The following FAM200B variants were observed in gnomAD, a reference collection of about 807,000 sequenced individuals.
FAM200B encodes the protein protein FAM200B.
In FAM200B, 32 loss-of-function variants were observed where a neutral mutation model predicts 33.1. The observed-to-expected ratio is 0.97, with a 90% CI of 0.73 to 1.30. The LOEUF (loss-of-function observed/expected upper bound fraction) is 1.30. Ranked by LOEUF, FAM200B falls within the 50% of genes most tolerant of loss-of-function variation. FAM200B has a pLI of 0.00. For synonymous variants in FAM200B, 240 were observed against 264.8 expected (o/e 0.91, Z 0.91); for missense variants, 741 against 754.0 (o/e 0.98, Z 0.20).
chr4:15,676,053 A>G, the FAM200B span, among the ~76,000 whole-genome samples: 9 of 152,342 alleles, frequency 5.9e-5, no homozygotes, highest in Non-Finnish European at 7.4e-5. Flanking sequence ...TTTGGCAAAT[A>G]CTTAACTTTC....
At position 15,687,873 on chromosome 4, in the gene FAM200B, C is replaced by T. The variant is rs1371360159; in HGVS notation, c.896C>T (p.Thr299Ile). The T allele has an allele frequency of 2.6e-6, 4 of 1,551,130 alleles. No individual in the cohort carries two copies. Among genetic ancestry groups the T allele is most frequent in the Non-Finnish European group, 3.5e-6 (4 of 1,146,634 alleles). ...KNCKGITSDG[T>I]ATMTGKHSRV... Reference sequence around the variant, plus strand: ...TGTAAAGGAATTACAAGTGATGGCACAGCAACCATGACTGGAAAACATAGC... The same window carrying T: ...TGTAAAGGAATTACAAGTGATGGCATAGCAACCATGACTGGAAAACATAGC... Residue 299 changes from threonine (T) to isoleucine (I), a missense_variant, in exon 2 of 2, where the codon ACA becomes ATA. Transcript: ENST00000422728.
At chr4:15,640,562 G>T in the FAM200B span, among the ~76,000 whole-genome samples, 1 of 151,740 alleles carries the variant, frequency 6.6e-6, no homozygotes, top group African/African-American at 2.4e-5. Context: ...TATTTCCTGA[G>T]TAAATTAATT....
At chr4:15,655,462 C>T in the FAM200B span, 2 of 901,416 alleles carry the variant, frequency 2.2e-6, no homozygotes, top group Non-Finnish European at 2.7e-6. Context: ...GCCATGCGAT[C>T]CCTGCGGCCC....
the FAM200B span, chr4:15,638,574 G>C: frequency 6.2e-7 from 1 of 1,611,668 alleles, no homozygotes; most frequent in Non-Finnish European, 8.5e-7. Context: ...TGATTCCATA[G>C]GCTAAGACCT....
At chr4:15,667,735 T>C in the FAM200B span, among the ~76,000 whole-genome samples, 3 of 152,182 alleles carry the variant, frequency 2.0e-5, no homozygotes, top group Admixed American at 2.0e-4. Flanking sequence ...TTTTTACTGA[T>C]GTCTTCTCAT....
the FAM200B span, among the ~76,000 whole-genome samples, chr4:15,673,082 G>T: frequency 1.3e-5 from 2 of 152,080 alleles, no homozygotes; most frequent in Non-Finnish European, 2.9e-5. Flanking sequence ...ATACTTTGAA[G>T]GATCTGTCTG....
chr4:15,666,671 ACAT>A, the FAM200B span, among the ~76,000 whole-genome samples: 1 of 152,108 alleles, frequency 6.6e-6, no homozygotes, highest in Non-Finnish European at 1.5e-5. Flanking sequence ...TCTCTACTAA[ACAT>A]CAAAAAAATT....
the FAM200B span, among the ~76,000 whole-genome samples, chr4:15,653,483 T>C: frequency 6.6e-6 from 1 of 152,174 alleles, no homozygotes. Context: ...CACAATCATC[T>C]GGAAATCGAT....
chr4:15,671,257 T>C, the FAM200B span, among the ~76,000 whole-genome samples: 1 of 152,030 alleles, frequency 6.6e-6, no homozygotes, highest in Non-Finnish European at 1.5e-5. Flanking sequence ...AGGGTTTTTC[T>C]CTGTTTGGTA....
At chr4:15,655,513 C>G in the FAM200B span, 1 of 357,880 alleles carries the variant, frequency 2.8e-6, no homozygotes, top group Non-Finnish European at 3.9e-6. Context: ...CTTCTGCCTC[C>G]CGCCCCCACT....
chr4:15,655,018 T>C, the FAM200B span, among the ~76,000 whole-genome samples: 1 of 151,096 alleles, frequency 6.6e-6, no homozygotes, highest in African/African-American at 2.4e-5. Context: ...AGGCCGGCTC[T>C]GCGAAGGCCT....
the FAM200B span, among the ~76,000 whole-genome samples, chr4:15,654,169 G>C: frequency 0.089 from 13,539 of 152,200 alleles, 758 homozygotes; most frequent in Non-Finnish European, 0.12. Flanking sequence ...TGTAGACAAT[G>C]GTTCTGCATA....
In FAM200B at chr4:15,683,915, C is replaced by G. The variant is rs139769503; in HGVS notation, c.-743+2014C>G. 5.6e-3 allele frequency among the ~76,000 whole-genome samples: 852 copies of G among 152,328 alleles called. 13 individuals carry two copies. Among genetic ancestry groups the G allele is most frequent in the African/African-American group, 0.02 (816 of 41,564 alleles). ...TTGAGTAACTACCATACAGCAAGCA[C>G]TATTCTAGGAACAGGTAGATAAGAT... On this transcript the variant is annotated intron_variant, in intron 1 of 1. Coordinates refer to ENST00000422728, the MANE Select transcript of FAM200B (RefSeq NM_001145191.2).
chr4:15,661,485 A>C, the FAM200B span, among the ~76,000 whole-genome samples: 17 of 152,276 alleles, frequency 1.1e-4, no homozygotes, highest in East Asian at 3.1e-3. Context: ...GGTCTCTGCC[A>C]ATTTTCAGTG....
the FAM200B span, among the ~76,000 whole-genome samples, chr4:15,647,489 A>G: frequency 3.3e-5 from 5 of 152,176 alleles, no homozygotes; most frequent in African/African-American, 9.6e-5. Flanking sequence ...GGAGGATACC[A>G]AGGGAAGACT....
At chr4:15,680,472 A>G (rs1577527533), upstream of FAM200B, among the ~76,000 whole-genome samples, 1 of 152,076 alleles carries the variant, frequency 6.6e-6, no homozygotes, top group Admixed American at 6.6e-5. Flanking sequence ...GGAGTTCGAG[A>G]CCAGCCTGGC....
the FAM200B span, among the ~76,000 whole-genome samples, chr4:15,668,601 ATAATT>A: frequency 5.3e-5 from 8 of 152,338 alleles, no homozygotes; most frequent in South Asian, 1.7e-3. Context: ...TATAATGAAG[ATAATT>A]TAATATGTGC....
At chr4:15,673,075 C>T in the FAM200B span, among the ~76,000 whole-genome samples, 2 of 152,100 alleles carry the variant, frequency 1.3e-5, no homozygotes, top group African/African-American at 4.8e-5. Context: ...GTCTGTAATA[C>T]TTTGAAGGAT....
chr4:15,648,354 C>G, the FAM200B span, among the ~76,000 whole-genome samples: 4 of 152,122 alleles, frequency 2.6e-5, no homozygotes, highest in African/African-American at 9.7e-5. Context: ...ATGTAATTTT[C>G]ATAAGTTCCA....
Sources: gnomAD v4.1 joint callset for allele counts (sites outside exome capture counted in the v4.1 genomes callset) on GRCh38, gnomAD v4.1.1 for gene constraint, MANE v1.5 for transcripts, NCBI Gene and HGNC (gene_info 2026-07-23, HGNC 2026-07-21) for gene names.